Variants in CLCN1 observed in about 807,000 individuals in gnomAD.
CLCN1 encodes chloride voltage-gated channel 1.
In CLCN1, 100 loss-of-function variants were observed where a neutral mutation model predicts 114.5. The observed-to-expected ratio is 0.87, with a 90% CI of 0.74 to 1.03. The LOEUF is 1.03. Ranked by LOEUF, CLCN1 falls within the 50% of genes least tolerant of loss-of-function variation. CLCN1 has a pLI of 0.00. For missense variants in CLCN1, 1,188 were observed against 1,250.0 expected (o/e 0.95, Z 0.75); for synonymous variants, 485 against 487.1 (o/e 1.00, Z 0.06).
Position 143,352,071 on chromosome 7 carries a change from G to T in CLCN1, c.*106G>T, listed in dbSNP as rs919526217. The T allele has an allele frequency of 1.5e-5, 22 of 1,426,562 alleles. No individual in the cohort carries two copies. Among genetic ancestry groups the T allele is most frequent in the Non-Finnish European group, 2.2e-5 (22 of 1,017,404 alleles). The allele number at this position is 1,426,562 out of a possible 1,614,324, so 88.4% of individuals were successfully genotyped here. A position where few individuals can be genotyped will look rare whatever the true frequency, so the allele number is the denominator to read the frequency against. On this transcript the variant is annotated 3_prime_UTR_variant, in exon 23 of 23. Transcript: ENST00000343257. ...AATGTGGCGAGGTCATGCCAATGTCGTGGCCTCTTCCAGGAATTTTTTAAT... is the reference window on the plus strand; with the variant it reads ...AATGTGGCGAGGTCATGCCAATGTCTTGGCCTCTTCCAGGAATTTTTTAAT...
At chr7:143,346,031 G>A (rs117082487) in intron 17 of CLCN1, 109 bp from the exon 18 acceptor site, 21 of 863,640 alleles carry the variant, frequency 2.4e-5, no homozygotes, top group South Asian at 2.8e-5. Flanking sequence ...TTTCTGAACT[G>A]GGGGGAAGAA....
intron 1 of CLCN1, among the ~76,000 whole-genome samples, chr7:143,319,268 G>T (rs1012694796): frequency 2.0e-5 from 3 of 152,166 alleles, no homozygotes; most frequent in African/African-American, 7.2e-5. Flanking sequence ...CCTCAGGTAA[G>T]GCTAGACACA....
rs1802282922 is a variant in CLCN1, at chr7:143,316,137, A to G, written c.-76A>G. 1.6e-6 allele frequency: 2 copies of G among 1,218,426 alleles called. No individual in the cohort carries two copies. The highest frequency in any genetic ancestry group is 1.2e-6 in the Non-Finnish European group (1 of 828,994). The allele number at this position is 1,218,426 out of a possible 1,614,324, so 75.5% of individuals were successfully genotyped here. On this transcript the variant is annotated 5_prime_UTR_variant, in exon 1 of 23. Transcript: ENST00000343257. The stretch of plus-strand genomic sequence containing the variant: ...GACGCCTTGGGGACAGCAAGAGCAG[A>G]GGCTTAAGGAGCTACACTGGGGGAA...
At chr7:143,346,512 T>A in intron 18 of CLCN1, 67 bp from the exon 19 acceptor site, 1 of 1,271,562 alleles carries the variant, frequency 7.9e-7, no homozygotes, top group Non-Finnish European at 1.2e-6. Flanking sequence ...TGTTAGGCAC[T>A]GGGTGGGGCC....
chr7:143,320,551 T>TG, intron 2 of CLCN1, 113 bp from the exon 3 acceptor site: 2 of 864,916 alleles, frequency 2.3e-6, no homozygotes, highest in Non-Finnish European at 3.5e-6. Flanking sequence ...CGTTAGCTGC[T>TG]TTTCTCTCTC....
At chr7:143,329,206 T>TC (rs1489877202) in intron 7 of CLCN1, among the ~76,000 whole-genome samples, 1 of 152,122 alleles carries the variant, frequency 6.6e-6, no homozygotes, top group Non-Finnish European at 1.5e-5. Context: ...GACTTCATGA[T>TC]CCCCCTGCCT....
chr7:143,342,496 G>A lies in CLCN1; in HGVS notation c.1921G>A (p.Asp641Asn). The A allele has an allele frequency of 1.2e-6, 2 of 1,614,110 alleles. No individual in the cohort carries two copies. The highest frequency in any genetic ancestry group is 1.7e-6 in the Non-Finnish European group (2 of 1,180,018). Reference protein sequence around the residue: ...TTTVKTLPLVDSKDSMILLGS... With the variant: ...TTTVKTLPLVNSKDSMILLGS... ...CACAGTCAAGACTTTACCACTGGTT[G>A]ACTCAAAAGGTCAGTGGGGAGGAAG... The change falls in exon 16 of 23, where the codon GAC becomes AAC. Residue 641 changes from aspartate (D) to asparagine (N), a missense_variant. Transcript: ENST00000343257.
rs565415544 is a variant in CLCN1, at chr7:143,318,505, G to T, written c.181-1250G>T. Among the ~76,000 whole-genome samples the T allele has an allele frequency of 1.4e-4, 21 of 152,286 alleles. 1 individual carries two copies. In the South Asian group the frequency reaches 4.3e-3, roughly 32 times the overall value. On this transcript the variant is annotated intron_variant, in intron 1 of 22. Coordinates refer to ENST00000343257, the MANE Select transcript of CLCN1 (RefSeq NM_000083.3). ...CCTAAAGTGCTGGGGTTACAGGGGT[G>T]AGCCACTGAGCCTTGCTTCCACCTT...
rs745690349 is a variant in CLCN1 at position 143,339,521 on chromosome 7, T to C, written c.1482T>C (p.Phe494=). 12 of 1,612,990 alleles carry C rather than the reference T, an allele frequency of 7.4e-6. No individual in the cohort carries two copies. In the South Asian group the frequency reaches 1.3e-4, roughly 18 times the overall value. ...FMPVFVLGAA[F]GRLVGEIMAM... is the part of the protein sequence containing the mutation. ...TTATCTTCCCTCTAGGAGCTGCATTTGGAAGGCTGGTAGGAGAAATCATGG... is the reference window on the plus strand; with the variant it reads ...TTATCTTCCCTCTAGGAGCTGCATTCGGAAGGCTGGTAGGAGAAATCATGG... The change falls in exon 14 of 23, where the codon TTT becomes TTC. Residue 494 remains phenylalanine, a synonymous_variant. Transcript: ENST00000343257. This position sits in a 1 kb window ranked among gnomAD's most constrained non-coding sequence, Gnocchi z 4.1.
chr7:143,329,375 G>A (rs1238283242), intron 7 of CLCN1, among the ~76,000 whole-genome samples: 2 of 152,138 alleles, frequency 1.3e-5, no homozygotes, highest in South Asian at 2.1e-4. Flanking sequence ...GCTGAAGGAC[G>A]GATGGTTTCG....
At chr7:143,336,635 G>GA (rs201150297) in intron 12 of CLCN1, among the ~76,000 whole-genome samples, 2,106 of 107,500 alleles carry the variant, frequency 0.02, 34 homozygotes, top group Non-Finnish European at 0.028. Flanking sequence ...AGAAGAAGAA[G>GA]AAAAAAAAAG....
intron 12 of CLCN1, among the ~76,000 whole-genome samples, chr7:143,338,535 C>T (rs1301603885): frequency 3.3e-5 from 5 of 152,216 alleles, no homozygotes; most frequent in African/African-American, 7.2e-5. Flanking sequence ...CCTGTAATCC[C>T]GGCACTTTGG....
intron 1 of CLCN1, among the ~76,000 whole-genome samples, chr7:143,319,079 G>A (rs1291750429): frequency 6.6e-6 from 1 of 152,170 alleles, no homozygotes; most frequent in Non-Finnish European, 1.5e-5. Flanking sequence ...GGAAGCGGAG[G>A]GCCACCAGAC....
chr7:143,322,468 C>T (rs1005249595), intron 5 of CLCN1, among the ~76,000 whole-genome samples: 1 of 152,124 alleles, frequency 6.6e-6, no homozygotes, highest in Non-Finnish European at 1.5e-5. Context: ...CTCATCTGAC[C>T]CCTGGTCAAA....
chr7:143,331,651 C>T lies in CLCN1; in HGVS notation c.1165C>T (p.His389Tyr), dbSNP rs1185245751. Residue 389 changes from histidine (H) to tyrosine (Y), a missense_variant and splice_region_variant, in exon 10 of 23, where the codon CAC becomes TAC. His to Tyr is a moderately conservative substitution (Grantham distance 83, BLOSUM62 2). Coordinates refer to ENST00000343257, the MANE Select transcript of CLCN1 (RefSeq NM_000083.3). ...HKALSQFLAK[H>Y]RLLYPGIVTF... ...GGCCCTCAGCCAGTTTCTTGCTAAG[C>T]AGTGAGTCACTGCCCTTCTTTTGCC... 6 of 1,604,124 alleles carry T rather than the reference C, an allele frequency of 3.7e-6. No homozygotes were observed. The highest frequency in any genetic ancestry group is 4.3e-6 in the Non-Finnish European group (5 of 1,170,866).
rs1802374471 is a variant in CLCN1 at position 143,319,689 on chromosome 7, T to A, written c.181-66T>A. The A allele has an allele frequency of 2.6e-6, 4 of 1,543,094 alleles. No individual in the cohort carries two copies. In the African/African-American group the frequency reaches 5.5e-5, roughly 21 times the overall value. On this transcript the variant is annotated intron_variant, in intron 1 of 22. Transcript: ENST00000343257. ...TCTTTTCTTCTGTGAGTCTGTCTGC[T>A]GGCCTCTGTCTATTATTTTTTTAGT... is the stretch of plus-strand genomic sequence containing the variant.
At chr7:143,317,550 G>A (rs558330629) in intron 1 of CLCN1, among the ~76,000 whole-genome samples, 5 of 152,000 alleles carry the variant, frequency 3.3e-5, no homozygotes, top group Non-Finnish European at 5.9e-5. Flanking sequence ...GCCCAGTCTG[G>A]TCAGAACTTA....
chr7:143,316,856 G>A (rs1198281881), intron 1 of CLCN1, among the ~76,000 whole-genome samples: 1 of 152,232 alleles, frequency 6.6e-6, no homozygotes, highest in Non-Finnish European at 1.5e-5. Flanking sequence ...AATTGGGCAA[G>A]TGTAGAAAAC....
chr7:143,351,104 T>G (rs1385455586), intron 22 of CLCN1, among the ~76,000 whole-genome samples: 4 of 152,070 alleles, frequency 2.6e-5, no homozygotes, highest in Non-Finnish European at 5.9e-5. Context: ...ATGCAGAGAT[T>G]GGAGGGGGTA....
Sources: allele counts gnomAD v4.1 joint callset (sites outside exome capture counted in the v4.1 genomes callset), GRCh38; gene constraint gnomAD v4.1.1; non-coding constraint Gnocchi (gnomAD v3.1); transcripts MANE v1.5; gene names NCBI Gene and HGNC (gene_info 2026-07-23, HGNC 2026-07-21).